The following DLGAP1 variants were observed in gnomAD, a reference collection of about 807,000 sequenced individuals.
The protein encoded by DLGAP1 is disks large-associated protein 1.
Under a neutral mutation model 90.8 loss-of-function variants are expected in DLGAP1, and 11 were observed. The ratio of observed to expected loss-of-function variants is 0.12; its 90% CI spans 0.08 to 0.20. DLGAP1 has a LOEUF of 0.20. DLGAP1 is among the 10% of genes least tolerant of loss of function. DLGAP1 has a pLI of 1.00. For missense variants in DLGAP1, 1,050 were observed against 1,333.8 expected, an observed-to-expected ratio of 0.79 and a Z score of 3.31; for synonymous variants, 558 against 540.7, an observed-to-expected ratio of 1.03 and a Z score of -0.44.
At chr18:4,226,696 AAAC>A (rs1441720273) in intron 1 of DLGAP1, among the ~76,000 whole-genome samples, 1 of 150,962 alleles carries the variant, frequency 6.6e-6, no homozygotes, top group African/African-American at 2.4e-5. Context: ...AAAAAAAAAA[AAAC>A]AGTGTATACA....
chr18:3,600,839 T>TATAG (rs2056914913), intron 7 of DLGAP1, among the ~76,000 whole-genome samples: 1 of 96,176 alleles, frequency 1.0e-5, no homozygotes, highest in African/African-American at 5.3e-5. Flanking sequence ...TATATATAGA[T>TATAG]ATATATAGAT....
chr18:3,810,467 C>G (rs1474588457), intron 5 of DLGAP1, among the ~76,000 whole-genome samples: 1 of 151,990 alleles, frequency 6.6e-6, no homozygotes, highest in Non-Finnish European at 1.5e-5. Flanking sequence ...TCTCACTTGC[C>G]TAATTTTAGT....
intron 1 of DLGAP1, among the ~76,000 whole-genome samples, chr18:4,236,213 A>ATG: frequency 1.3e-5 from 2 of 152,308 alleles, no homozygotes; most frequent in South Asian, 4.1e-4. Context: ...GTGAGGTTTC[A>ATG]ATCAGTAAGT....
At chr18:3,999,874 C>T (rs2074146255) in intron 3 of DLGAP1, among the ~76,000 whole-genome samples, 1 of 152,120 alleles carries the variant, frequency 6.6e-6, no homozygotes. Flanking sequence ...TGCAGTGGCG[C>T]CATCATAGCT....
intron 9 of DLGAP1, among the ~76,000 whole-genome samples, chr18:3,544,902 A>G (rs1276372683): frequency 6.6e-6 from 1 of 151,942 alleles, no homozygotes; most frequent in African/African-American, 2.4e-5. Flanking sequence ...ATACAGTTCA[A>G]TAAATTTTGC....
chr18:3,695,011 C>T (rs1186677375), intron 7 of DLGAP1, among the ~76,000 whole-genome samples: 1 of 148,798 alleles, frequency 6.7e-6, no homozygotes, highest in African/African-American at 2.5e-5. Context: ...GTGCTCTTGG[C>T]TCACTGCAAG....
At chr18:4,073,056 A>G (rs1199111048) in intron 2 of DLGAP1, among the ~76,000 whole-genome samples, 1 of 152,152 alleles carries the variant, frequency 6.6e-6, no homozygotes, top group Non-Finnish European at 1.5e-5. Context: ...AGTTTCCTCA[A>G]CTGAAACAGT....
intron 1 of DLGAP1, among the ~76,000 whole-genome samples, chr18:4,184,743 TACTAA>T (rs1347671478): frequency 6.6e-6 from 1 of 152,246 alleles, no homozygotes; most frequent in East Asian, 1.9e-4. Flanking sequence ...TATTTTGCCA[TACTAA>T]ACTAAAGTTC....
intron 2 of DLGAP1, among the ~76,000 whole-genome samples, chr18:4,079,412 T>A (rs2075572292): frequency 6.6e-6 from 1 of 151,994 alleles, no homozygotes; most frequent in Admixed American, 6.6e-5. Flanking sequence ...GAGGCTATTA[T>A]TCTAAGCAAA....
At chr18:3,650,687 T>C (rs1292498073) in intron 7 of DLGAP1, among the ~76,000 whole-genome samples, 1 of 152,124 alleles carries the variant, frequency 6.6e-6, no homozygotes, top group Non-Finnish European at 1.5e-5. Context: ...ACCACGCTGG[T>C]GGAAGGAAGG....
intron 4 of DLGAP1, among the ~76,000 whole-genome samples, chr18:3,828,688 T>TAA (rs1175738933): frequency 7.6e-6 from 1 of 131,238 alleles, no homozygotes. Flanking sequence ...AACAAAACCT[T>TAA]TAAAAAAAAA....
intron 3 of DLGAP1, among the ~76,000 whole-genome samples, chr18:3,955,310 A>G (rs1345099161): frequency 1.3e-5 from 2 of 152,234 alleles, no homozygotes; most frequent in African/African-American, 4.8e-5. Context: ...GCTCTTTCCA[A>G]GGGACTTAAC....
intron 3 of DLGAP1, among the ~76,000 whole-genome samples, chr18:3,978,886 T>C (rs2073660293): frequency 6.6e-6 from 1 of 152,054 alleles, no homozygotes; most frequent in Non-Finnish European, 1.5e-5. Flanking sequence ...ATTAGTGAGG[T>C]TTTAGAGGAA....
chr18:4,285,049 A>G (rs493665), intron 1 of DLGAP1, among the ~76,000 whole-genome samples: 100,690 of 151,926 alleles, frequency 0.66, 34,796 homozygotes, highest in East Asian at 0.79. Flanking sequence ...TTTTACAAAA[A>G]TAATGATAAA....
chr18:3,758,111 A>G (rs2063795321), intron 5 of DLGAP1, among the ~76,000 whole-genome samples: 1 of 140,760 alleles, frequency 7.1e-6, no homozygotes, highest in Non-Finnish European at 1.5e-5. Context: ...TATCTTGAGA[A>G]AAAAAAAAAA....
chr18:4,291,909 G>A (rs557714715), intron 1 of DLGAP1, among the ~76,000 whole-genome samples: 17 of 152,102 alleles, frequency 1.1e-4, no homozygotes, highest in Non-Finnish European at 2.1e-4. Context: ...AAAGGGAAAC[G>A]GTTTTGTCAA....
intron 2 of DLGAP1, among the ~76,000 whole-genome samples, chr18:4,110,057 C>A (rs947339848): frequency 6.6e-6 from 1 of 151,850 alleles, no homozygotes; most frequent in Non-Finnish European, 1.5e-5. Flanking sequence ...CATTGCTTAA[C>A]GATGGGGATA....
chr18:3,653,230 C>T lies in DLGAP1; in HGVS notation c.1592-70982G>A, dbSNP rs1201831556. On this transcript the variant is annotated intron_variant, in intron 7 of 12. Transcript: ENST00000315677. The surrounding 1 kb of genome is among the most constrained non-coding windows in gnomAD (Gnocchi z 4.6). Reference sequence around the variant, plus strand: ...TCTTGCTGTGAGTGGTTTTTCCTTCCCTGCCATTGGTGCGACTGTTTCCCC... The same window carrying T: ...TCTTGCTGTGAGTGGTTTTTCCTTCTCTGCCATTGGTGCGACTGTTTCCCC... Among the ~76,000 whole-genome samples the T allele has an allele frequency of 1.3e-5, 2 of 152,034 alleles. No individual in the cohort carries two copies. Among genetic ancestry groups the T allele is most frequent in the South Asian group, 2.1e-4 (1 of 4,812 alleles).
rs574550505 is a variant in DLGAP1 at position 3,874,004 on chromosome 18, A to C, written c.957+5108T>G. 10 of 1,412,392 alleles carry C rather than the reference A, an allele frequency of 7.1e-6. No homozygotes were observed. In the East Asian group the frequency reaches 2.0e-4, roughly 29 times the overall value. The allele number at this position is 1,412,392 out of a possible 1,614,324, so 87.5% of individuals were successfully genotyped here. A position where few individuals can be genotyped will look rare whatever the true frequency, so the allele number is the denominator to read the frequency against. ...CTTTTTTACTATCTGTGCACACATT[A>C]ATTTGTCAGCTCTTCCAGTCTTTCT... On this transcript the variant is annotated intron_variant, in intron 4 of 12. Coordinates refer to ENST00000315677, the MANE Select transcript of DLGAP1 (RefSeq NM_004746.4).
Sources: allele counts gnomAD v4.1 joint callset (sites outside exome capture counted in the v4.1 genomes callset), GRCh38; gene constraint gnomAD v4.1.1; non-coding constraint Gnocchi (gnomAD v3.1); transcripts MANE v1.5; gene names NCBI Gene and HGNC (gene_info 2026-07-23, HGNC 2026-07-21).